YEATS2: variants seen among roughly 807,000 people sequenced by gnomAD.
YEATS2 encodes the protein YEATS domain-containing protein 2.
YEATS2 carries 77 observed loss-of-function variants against 163.2 expected under a neutral mutation model. That is an observed-to-expected ratio of 0.47 (90% CI 0.39 to 0.57). YEATS2 has a LOEUF of 0.57. Ranked by LOEUF, YEATS2 falls within the 20% of genes least tolerant of loss-of-function variation. YEATS2 has a pLI of 0.00. For missense variants in YEATS2, 1,549 were observed against 1,729.8 expected (o/e 0.90, Z 1.85); for synonymous variants, 631 against 645.1 (o/e 0.98, Z 0.33).
intron 7 of YEATS2, among the ~76,000 whole-genome samples, chr3:183,733,324 T>A (rs1718001217): frequency 6.6e-6 from 1 of 152,256 alleles, no homozygotes; most frequent in Non-Finnish European, 1.5e-5. Context: ...TTTGTACAGT[T>A]GTTTAGATAC....
rs1314569038 is a variant in YEATS2 at position 183,727,092 on chromosome 3, C to T, written c.651-1598C>T. 7.2e-5 allele frequency among the ~76,000 whole-genome samples: 11 copies of T among 152,192 alleles called. No individual in the cohort carries two copies. In the South Asian group the frequency reaches 1.7e-3, roughly 23 times the overall value. On this transcript the variant is annotated intron_variant, in intron 6 of 30. Transcript: ENST00000305135. ...CTGAGATTACAGGCATGAGCCACCA[C>T]GCCTGGCCTTGTCTGGCTTTGTACC...
chr3:183,773,915 G>A, intron 17 of YEATS2, 121 bp downstream of exon 17: 4 of 1,211,682 alleles, frequency 3.3e-6, no homozygotes, highest in African/African-American at 1.6e-5. Flanking sequence ...GTTGGGTGGT[G>A]TAATGGTAGC....
At chr3:183,757,081 ATAT>A (rs1720849883) in intron 12 of YEATS2, among the ~76,000 whole-genome samples, 1 of 152,032 alleles carries the variant, frequency 6.6e-6, no homozygotes, top group African/African-American at 2.4e-5. Flanking sequence ...ATAAAAAATG[ATAT>A]TATTTTCTTC....
intron 16 of YEATS2, 89 bp downstream of exon 16, chr3:183,772,652 TCTAGGAAAGC>T (rs1722591198): frequency 1.3e-6 from 2 of 1,525,020 alleles, no homozygotes; most frequent in Non-Finnish European, 1.8e-6. Flanking sequence ...TTTGATCTGG[TCTAGGAAAGC>T]CTAGTTAGGT....
Position 183,723,843 on chromosome 3 carries a change from C to T in YEATS2, c.538-576C>T, listed in dbSNP as rs555357482. Among the ~76,000 whole-genome samples, 8 of 151,990 alleles carry T rather than the reference C, an allele frequency of 5.3e-5. No individual in the cohort carries two copies. The South Asian group carries it at 6.2e-4, about 12-fold the overall frequency. ...AGGAGAATCGCTTGAACCCAGGAGG[C>T]GGAGATTGCAATGAGCCGAGATCGT... is the stretch of plus-strand genomic sequence containing the variant. On this transcript the variant is annotated intron_variant, in intron 5 of 30. Coordinates refer to ENST00000305135, the MANE Select transcript of YEATS2 (RefSeq NM_018023.5).
chr3:183,796,139 T>C (rs549568003), intron 21 of YEATS2, among the ~76,000 whole-genome samples: 202 of 149,106 alleles, frequency 1.4e-3, no homozygotes, highest in African/African-American at 4.8e-3. Flanking sequence ...CCTGCCACCA[T>C]GCCCGGCTAT....
At chr3:183,715,086 T>C in intron 1 of YEATS2, 58 bp from the exon 2 acceptor site, 1 of 1,088,084 alleles carries the variant, frequency 9.2e-7, no homozygotes, top group South Asian at 1.4e-5. Context: ...GCAGTGTTAC[T>C]ACAACCCAAC....
At chr3:183,704,212 C>T (rs1013587652) in intron 1 of YEATS2, among the ~76,000 whole-genome samples, 2 of 150,860 alleles carry the variant, frequency 1.3e-5, no homozygotes, top group Non-Finnish European at 2.9e-5. Flanking sequence ...AAATCCCCTT[C>T]GTTCTAGATC....
chr3:183,801,594 A>G (rs549352635), intron 25 of YEATS2, 66 bp downstream of exon 25: 14 of 1,239,324 alleles, frequency 1.1e-5, no homozygotes, highest in Middle Eastern at 1.9e-4. Flanking sequence ...TATTGAGTCA[A>G]CTGAAATCAC....
chr3:183,794,091 T>C (rs758512955), intron 21 of YEATS2, among the ~76,000 whole-genome samples: 1 of 152,058 alleles, frequency 6.6e-6, no homozygotes, highest in South Asian at 2.1e-4. Flanking sequence ...GTGTGGGGTG[T>C]TGGAACTTTG....
chr3:183,730,052 G>GTTTTTTTTTTTTTTTT lies in YEATS2; in HGVS notation c.812+1221_812+1236dup, dbSNP rs869091775. 3.4e-4 allele frequency among the ~76,000 whole-genome samples: 14 copies of GTTTTTTTTTTTTTTTT among 41,720 alleles called. 1 individual carries two copies. The highest frequency in any genetic ancestry group is 1.4e-3 in the South Asian group (1 of 702). 27.4% of individuals were successfully genotyped at this position (41,720 alleles called of 152,430 possible). ...ATATTAATTGTGTGGTTTTTTGTTTGTTTTTTTTTTTTTTTTTTTTTTTTT... is the reference window on the plus strand; with the variant it reads ...ATATTAATTGTGTGGTTTTTTGTTTGTTTTTTTTTTTTTTTTTTTTTTTTTTTTTTTTTTTTTTTTT... On this transcript the variant is annotated intron_variant, in intron 7 of 30. Transcript: ENST00000305135.
intron 15 of YEATS2, among the ~76,000 whole-genome samples, chr3:183,765,860 T>C (rs1347100842): frequency 1.3e-5 from 2 of 151,590 alleles, no homozygotes; most frequent in Admixed American, 1.3e-4. Context: ...GGCAGGAGAA[T>C]TGTTTGAACC....
intron 15 of YEATS2, among the ~76,000 whole-genome samples, chr3:183,767,769 G>A (rs7634333): frequency 0.011 from 1,636 of 151,016 alleles, 25 homozygotes; most frequent in African/African-American, 0.037. Flanking sequence ...CGCCCACCTC[G>A]GCCTCCCAAA....
intron 8 of YEATS2, among the ~76,000 whole-genome samples, chr3:183,742,815 G>A (rs1719117863): frequency 6.6e-6 from 1 of 152,178 alleles, no homozygotes; most frequent in Non-Finnish European, 1.5e-5. Context: ...GAAGTCAGTC[G>A]AGGCAGCAGA....
At chr3:183,806,773 A>AT (rs1726249252) in intron 27 of YEATS2, 93 bp from the exon 28 acceptor site, 1 of 1,312,576 alleles carries the variant, frequency 7.6e-7, no homozygotes, top group African/African-American at 1.5e-5. Flanking sequence ...CCTGATGCTT[A>AT]TCCCCCTTCC....
chr3:183,737,793 T>G (rs1344847037), intron 8 of YEATS2, among the ~76,000 whole-genome samples: 1 of 152,230 alleles, frequency 6.6e-6, no homozygotes, highest in Admixed American at 6.5e-5. Flanking sequence ...ACTGCCCTTA[T>G]AAGAAGTGAA....
chr3:183,725,340 G>A (rs756515304), intron 6 of YEATS2, among the ~76,000 whole-genome samples: 8 of 152,130 alleles, frequency 5.3e-5, no homozygotes, highest in Non-Finnish European at 8.8e-5. Context: ...CTCAGATACT[G>A]CCCTCAGCTC....
At position 183,724,318 on chromosome 3, in the gene YEATS2, A is replaced by G. The variant is rs566678563; in HGVS notation, c.538-101A>G. 18 of 881,240 alleles carry G rather than the reference A, an allele frequency of 2.0e-5. No homozygotes were observed. The East Asian group carries it at 4.4e-4, about 22-fold the overall frequency. 54.6% of individuals were successfully genotyped at this position (881,240 alleles called of 1,614,324 possible). The stretch of plus-strand genomic sequence containing the variant: ...CCAGAAAATTTTGTAATTTTTTAAA[A>G]AAACTTAGTTATTCCATTTATACTT... On this transcript the variant is annotated intron_variant, in intron 5 of 30. Transcript: ENST00000305135.
rs576981517 is a variant in YEATS2 at position 183,772,313 on chromosome 3, G to A, written c.1956G>A (p.Gly652=). The change falls in exon 16 of 31, where the codon GGG becomes GGA. Residue 652 remains glycine, a synonymous_variant. Transcript: ENST00000305135. ...TGCTCTGTTTTGAACAGGTTGTCGG[G>A]GTACCAGTTGGGTCTGCTTTACCTT... is the stretch of plus-strand genomic sequence containing the variant. ...SAKVQPSKVV[G]VPVGSALPST... The A allele has an allele frequency of 5.0e-6, 8 of 1,613,824 alleles. No homozygotes were observed. The South Asian group carries it at 6.6e-5, about 13-fold the overall frequency.
Sources: gnomAD v4.1 joint callset for allele counts (sites outside exome capture counted in the v4.1 genomes callset) on GRCh38, gnomAD v4.1.1 for gene constraint, MANE v1.5 for transcripts, NCBI Gene and HGNC (gene_info 2026-07-23, HGNC 2026-07-21) for gene names.